Variants in CPA3 observed in about 807,000 individuals in gnomAD.
CPA3 encodes the protein carboxypeptidase A3, also known as mast cell carboxypeptidase A.
CPA3 carries 52 observed loss-of-function variants against 55.8 expected under a neutral mutation model. The observed-to-expected ratio is 0.93, with a 90% CI of 0.75 to 1.17. The LOEUF (loss-of-function observed/expected upper bound fraction) is 1.17, where lower values mean the gene tolerates loss of function less well. Among genes scored for constraint, CPA3 ranks in the 50% most tolerant of loss-of-function variants. The pLI, the probability that CPA3 is intolerant of heterozygous loss-of-function variation, is 0.00. For synonymous variants in CPA3, 179 were observed against 171.2 expected (o/e 1.05, Z -0.36); for missense variants, 547 against 509.1 (o/e 1.07, Z -0.72).
At chr3:148,872,323 G>A (rs1362709242) in intron 3 of CPA3, among the ~76,000 whole-genome samples, 1 of 152,100 alleles carries the variant, frequency 6.6e-6, no homozygotes, top group Non-Finnish European at 1.5e-5. Flanking sequence ...AAAAATCCTA[G>A]TGTTTTTAAC....
chr3:148,881,675 C>A, intron 7 of CPA3, 43 bp downstream of exon 7: 1 of 1,328,988 alleles, frequency 7.5e-7, no homozygotes, highest in Non-Finnish European at 1.1e-6. Context: ...ATATTATTTG[C>A]TGGCTTTAAT....
At chr3:148,865,779 C>G (rs987400502) in intron 2 of CPA3, among the ~76,000 whole-genome samples, 2 of 152,156 alleles carry the variant, frequency 1.3e-5, no homozygotes, top group African/African-American at 4.8e-5. Flanking sequence ...CAAACACCAG[C>G]TTTTTCAAGG....
In CPA3 at chr3:148,868,921, T is replaced by A. The variant is rs756011183; in HGVS notation, c.151T>A (p.Phe51Ile). 53 of 1,613,720 alleles carry A rather than the reference T, an allele frequency of 3.3e-5. No individual in the cohort carries two copies. The highest frequency in any genetic ancestry group is 4.5e-5 in the Non-Finnish European group (53 of 1,179,940). The change falls in exon 3 of 11, where the codon TTC becomes ATC. Residue 51 changes from phenylalanine to isoleucine, a missense_variant. Coordinates refer to ENST00000296046, the MANE Select transcript of CPA3 (RefSeq NM_001870.4). ...KDLAKTNELD[F>I]WYPGATHHVA... ...ATTGAGCTTATCTCTGCAGCTTGAC[T>A]TCTGGTATCCAGGTGCCACCCACCA...
At chr3:148,868,868 T>C (rs1713980124) in intron 2 of CPA3, 47 bp from the exon 3 acceptor site, 2 of 1,595,252 alleles carry the variant, frequency 1.3e-6, no homozygotes, top group East Asian at 2.2e-5. Flanking sequence ...TCAATAAGTG[T>C]TGGGTAAGCA....
At position 148,879,789 on chromosome 3, in the gene CPA3, T is replaced by C. The variant is rs780176741; in HGVS notation, c.476T>C (p.Ile159Thr). 2 of 1,596,534 alleles carry C rather than the reference T, an allele frequency of 1.3e-6. No individual in the cohort carries two copies. Among genetic ancestry groups the C allele is most frequent in the Non-Finnish European group, 1.7e-6 (2 of 1,164,404 alleles). ...VEDNPLYVLK[I>T]GEKNERRKAI... Reference sequence around the variant, plus strand: ...TATCTCAAGTTTACTTTTAAATAGATTGGGGAAAAGAATGAAAGAAGAAAG... The same window carrying C: ...TATCTCAAGTTTACTTTTAAATAGACTGGGGAAAAGAATGAAAGAAGAAAG... Residue 159 changes from isoleucine to threonine, a missense_variant and splice_region_variant, in exon 6 of 11, where the codon ATT becomes ACT. Coordinates refer to ENST00000296046, the MANE Select transcript of CPA3 (RefSeq NM_001870.4).
chr3:148,891,497 C>CACACACACACACACACACACACAT (rs1176458070), intron 10 of CPA3, among the ~76,000 whole-genome samples: 2 of 149,460 alleles, frequency 1.3e-5, no homozygotes, highest in African/African-American at 5.0e-5. Flanking sequence ...CACACACACA[C>CACACACACACACACACACACACAT]ACACACACAC....
intron 9 of CPA3, 148 bp downstream of exon 9, chr3:148,883,963 A>G (rs1714452309): frequency 1.6e-6 from 1 of 634,006 alleles, no homozygotes; most frequent in East Asian, 2.7e-5. Flanking sequence ...TAAAATCATG[A>G]TCTTTAGATT....
In CPA3 at chr3:148,878,505, G is replaced by A. The variant is rs376999632; in HGVS notation, c.334G>A (p.Gly112Ser). Reference protein sequence around the residue: ...KQFDVKEDIPGRHSYAKYNNW... With the variant: ...KQFDVKEDIPSRHSYAKYNNW... ...GTTTGATGTTAAAGAAGATATCCCA[G>A]GCAGGCACAGCTACGCAAAATACAA... Residue 112 changes from glycine to serine, a missense_variant, in exon 4 of 11, where the codon GGC becomes AGC. Transcript: ENST00000296046. 3.1e-6 allele frequency: 5 copies of A among 1,613,568 alleles called. No individual in the cohort carries two copies. The highest frequency in any genetic ancestry group is 2.5e-6 in the Non-Finnish European group (3 of 1,179,672).
chr3:148,889,651 C>T (rs973294317), intron 10 of CPA3, among the ~76,000 whole-genome samples: 1 of 151,940 alleles, frequency 6.6e-6, no homozygotes, highest in African/African-American at 2.4e-5. Context: ...GAGGGCGGAT[C>T]ACAAGGTGAG....
chr3:148,865,387 T>G lies in CPA3; in HGVS notation c.68+12T>G, dbSNP rs553051404. 1.9e-6 allele frequency: 3 copies of G among 1,613,978 alleles called. No individual in the cohort carries two copies. In the African/African-American group the frequency reaches 4.0e-5, roughly 22 times the overall value. ...GTCCGCTTTGACAGGTAAATCTTAC[T>G]TCCTGTGTTCCAGTCTCTGTGTAGA... On this transcript the variant is annotated intron_variant, in intron 1 of 10. Coordinates refer to ENST00000296046, the MANE Select transcript of CPA3 (RefSeq NM_001870.4).
intron 10 of CPA3, among the ~76,000 whole-genome samples, chr3:148,889,846 G>A (rs1185120593): frequency 7.2e-6 from 1 of 138,806 alleles, no homozygotes; most frequent in Non-Finnish European, 1.5e-5. Flanking sequence ...CTTCAGCCTG[G>A]GTGAAAGAGC....
Position 148,868,899 on chromosome 3 carries a change from G to A in CPA3, c.145-16G>A, listed in dbSNP as rs762108221. On this transcript the variant is annotated splice_polypyrimidine_tract_variant and intron_variant, in intron 2 of 10. Transcript: ENST00000296046. ...AAGCAAATAAACTCTGACTAACATT[G>A]AGCTTATCTCTGCAGCTTGACTTCT... 4 of 1,611,950 alleles carry A rather than the reference G, an allele frequency of 2.5e-6. No individual in the cohort carries two copies. The highest frequency in any genetic ancestry group is 1.1e-5 in the South Asian group (1 of 90,836).
chr3:148,894,467 CAAA>C lies in CPA3; in HGVS notation c.1067-2042_1067-2040del, dbSNP rs11338734. On this transcript the variant is annotated intron_variant, in intron 10 of 10. Transcript: ENST00000296046. The stretch of plus-strand genomic sequence containing the variant: ...GATAAAGGGATAAAAACAGAAAGAA[CAAA>C]AAAAAAAAAAGAAATAATGGCATGT... 9.1e-4 allele frequency among the ~76,000 whole-genome samples: 133 copies of C among 146,878 alleles called. 1 individual carries two copies. Among genetic ancestry groups the C allele is most frequent in the Admixed American group, 1.3e-3 (20 of 14,830 alleles).
intron 2 of CPA3, 87 bp from the exon 3 acceptor site, chr3:148,868,827 TC>T: frequency 6.9e-7 from 1 of 1,447,060 alleles, no homozygotes; most frequent in East Asian, 2.4e-5. Flanking sequence ...CAAATTCCTT[TC>T]ATGGTGTATG....
At chr3:148,886,694 A>T (rs143979596) in intron 10 of CPA3, among the ~76,000 whole-genome samples, 182 of 152,080 alleles carry the variant, frequency 1.2e-3, no homozygotes, top group African/African-American at 4.2e-3. Context: ...GACCTCATCT[A>T]AAAAAAATCA....
In CPA3 at chr3:148,879,824, A is replaced by G. The variant is rs773285261; in HGVS notation, c.511A>G (p.Thr171Ala). 1 of 1,612,522 alleles carries G rather than the reference A, an allele frequency of 6.2e-7. No homozygotes were observed. Among genetic ancestry groups the G allele is most frequent in the Non-Finnish European group, 8.5e-7 (1 of 1,178,680 alleles). ...GAATGAAAGAAGAAAGGCTATTTTTACGGATTGTGGCATTCACGCACGAGA... is the reference window on the plus strand; with the variant it reads ...GAATGAAAGAAGAAAGGCTATTTTTGCGGATTGTGGCATTCACGCACGAGA... ...EKNERRKAIF[T>A]DCGIHAREWV... Residue 171 changes from threonine (T) to alanine (A), a missense_variant, in exon 6 of 11, where the codon ACG (threonine) becomes GCG (alanine). Coordinates refer to ENST00000296046, the MANE Select transcript of CPA3 (RefSeq NM_001870.4).
At chr3:148,881,437 T>A (rs1044565865) in intron 6 of CPA3, 85 bp from the exon 7 acceptor site, 4 of 732,314 alleles carry the variant, frequency 5.5e-6, no homozygotes, top group African/African-American at 3.6e-5. Context: ...GGGAAGTGAC[T>A]CAAGTTATTA....
At position 148,879,953 on chromosome 3, in the gene CPA3, G is replaced by A. The variant is rs1576582167; in HGVS notation, c.576+64G>A. ...CCAAGTCTCCAGCACTTCACTAAGT[G>A]GCGACATCTTTCCAAACACGCAATT... On this transcript the variant is annotated intron_variant, in intron 6 of 10. Coordinates refer to ENST00000296046, the MANE Select transcript of CPA3 (RefSeq NM_001870.4). 8.9e-6 allele frequency: 10 copies of A among 1,122,634 alleles called. No individual in the cohort carries two copies. The Admixed American group carries it at 8.9e-5, about 10-fold the overall frequency. The allele number at this position is 1,122,634 out of a possible 1,614,324, so 69.5% of individuals were successfully genotyped here.
chr3:148,883,951 G>C (rs1714451886), intron 9 of CPA3, 136 bp downstream of exon 9: 1 of 658,838 alleles, frequency 1.5e-6, no homozygotes, highest in Admixed American at 2.8e-5. Context: ...TTGCCTTGAA[G>C]TTAAAATCAT....
Sources: allele counts gnomAD v4.1 joint callset (sites outside exome capture counted in the v4.1 genomes callset), GRCh38; gene constraint gnomAD v4.1.1; transcripts MANE v1.5; gene names NCBI Gene and HGNC (gene_info 2026-07-23, HGNC 2026-07-21).